NYAP2: variants seen among roughly 807,000 people sequenced by gnomAD.
NYAP2 encodes neuronal tyrosine-phosphorylated phosphoinositide-3-kinase adaptor 2.
Under a neutral mutation model 50.4 loss-of-function variants are expected in NYAP2, and 23 were observed. The ratio of observed to expected loss-of-function variants is 0.46; its 90% CI spans 0.33 to 0.65. The LOEUF (loss-of-function observed/expected upper bound fraction) is 0.65, where lower values mean the gene tolerates loss of function less well. NYAP2 is among the 30% of genes least tolerant of loss of function. The pLI is 0.02. For missense variants in NYAP2, 885 were observed against 861.0 expected, an observed-to-expected ratio of 1.03 and a Z score of -0.35; for synonymous variants, 394 against 365.2, an observed-to-expected ratio of 1.08 and a Z score of -0.90.
At chr2:225,449,250 A>G (rs1054349637) in intron 3 of NYAP2, among the ~76,000 whole-genome samples, 9 of 152,170 alleles carry the variant, frequency 5.9e-5, no homozygotes, top group Non-Finnish European at 1.3e-4. Context: ...TTTTTCCTTA[A>G]CTATATAATA....
intron 3 of NYAP2, among the ~76,000 whole-genome samples, chr2:225,419,958 C>T (rs1695189798): frequency 6.6e-6 from 1 of 152,142 alleles, no homozygotes; most frequent in South Asian, 2.1e-4. Context: ...ATATTTTGTT[C>T]TTTTTCCTAA....
chr2:225,549,062 G>A (rs545881886), intron 4 of NYAP2, among the ~76,000 whole-genome samples: 1 of 152,106 alleles, frequency 6.6e-6, no homozygotes, highest in African/African-American at 2.4e-5. Flanking sequence ...GTATTTTTTA[G>A]TAGAGACAGG....
intron 4 of NYAP2, among the ~76,000 whole-genome samples, chr2:225,528,581 T>A (rs73084715): frequency 0.021 from 3,228 of 152,318 alleles, 102 homozygotes; most frequent in African/African-American, 0.071. Flanking sequence ...AATTAGAGTG[T>A]GCATAAACAT....
intron 3 of NYAP2, among the ~76,000 whole-genome samples, chr2:225,424,078 T>C (rs1299967114): frequency 1.3e-5 from 2 of 152,178 alleles, no homozygotes; most frequent in Non-Finnish European, 2.9e-5. Context: ...AAAGATGACA[T>C]TTTATTTTAT....
chr2:225,494,560 T>G (rs1690467768), intron 3 of NYAP2, among the ~76,000 whole-genome samples: 1 of 152,206 alleles, frequency 6.6e-6, no homozygotes, highest in Admixed American at 6.5e-5. Context: ...GATATCAAGA[T>G]AAACAATTTC....
chr2:225,616,326 T>C (rs1692989663), intron 5 of NYAP2, among the ~76,000 whole-genome samples: 1 of 152,142 alleles, frequency 6.6e-6, no homozygotes, highest in East Asian at 1.9e-4. Context: ...AATATAAAAA[T>C]ATGCCCCCGC....
At chr2:225,469,688 G>C (rs10181093) in intron 3 of NYAP2, among the ~76,000 whole-genome samples, 2 of 152,166 alleles carry the variant, frequency 1.3e-5, no homozygotes, top group East Asian at 3.9e-4. Context: ...GGATGAGTTC[G>C]TGTCCTTTGC....
At chr2:225,573,919 G>A (rs1431941133) in intron 4 of NYAP2, among the ~76,000 whole-genome samples, 1 of 152,140 alleles carries the variant, frequency 6.6e-6, no homozygotes, top group Admixed American at 6.5e-5. Context: ...AGGAGAGGGA[G>A]ATAGATCTTA....
At chr2:225,481,667 G>C (rs1690209199) in intron 3 of NYAP2, among the ~76,000 whole-genome samples, 1 of 152,064 alleles carries the variant, frequency 6.6e-6, no homozygotes, top group Admixed American at 6.6e-5. Context: ...AGTATTTCTT[G>C]AAGTTTGAAA....
Position 225,404,249 on chromosome 2 carries a change from A to G in NYAP2, c.-18+3206A>G, listed in dbSNP as rs142959657. The stretch of plus-strand genomic sequence containing the variant: ...TGCTTTTTTTTAAGCTTCAGAACTA[A>G]GGGTCACATAGTGTCTTAGCTTCTT... On this transcript the variant is annotated intron_variant, in intron 2 of 6. Coordinates refer to ENST00000636099, the Ensembl canonical transcript of NYAP2. Among the ~76,000 whole-genome samples the G allele has an allele frequency of 2.8e-3, 427 of 152,060 alleles. 2 individuals are homozygous for G. Among genetic ancestry groups the G allele is most frequent in the African/African-American group, 9.8e-3 (406 of 41,526 alleles).
intron 4 of NYAP2, among the ~76,000 whole-genome samples, chr2:225,521,047 A>G (rs1340849981): frequency 1.1e-4 from 15 of 142,542 alleles, no homozygotes; most frequent in Non-Finnish European, 1.7e-4. Context: ...TGTGAATGGG[A>G]GTTCACTCAT....
At chr2:225,448,584 C>T (rs1166230231) in intron 3 of NYAP2, among the ~76,000 whole-genome samples, 1 of 152,208 alleles carries the variant, frequency 6.6e-6, no homozygotes, top group Non-Finnish European at 1.5e-5. Context: ...CTATAACTAA[C>T]TTAATATATG....
chr2:225,520,188 G>C (rs1236843330), intron 4 of NYAP2, among the ~76,000 whole-genome samples: 1 of 152,186 alleles, frequency 6.6e-6, no homozygotes, highest in Non-Finnish European at 1.5e-5. Context: ...TGTCAGATGA[G>C]TAGGTTGCAA....
chr2:225,579,616 C>T (rs1574689686), intron 4 of NYAP2, among the ~76,000 whole-genome samples: 1 of 152,226 alleles, frequency 6.6e-6, no homozygotes, highest in African/African-American at 2.4e-5. Context: ...AGGCCACCTT[C>T]TCATCTGTGT....
chr2:225,480,576 C>T (rs1055151614), intron 3 of NYAP2, among the ~76,000 whole-genome samples: 1 of 151,728 alleles, frequency 6.6e-6, no homozygotes, highest in South Asian at 2.1e-4. Flanking sequence ...CATAGAAAGG[C>T]GAGTATTTGC....
rs962542125 is a variant in NYAP2, at chr2:225,537,666, A to G, written c.523+23994A>G. Among the ~76,000 whole-genome samples the G allele has an allele frequency of 3.3e-5, 5 of 152,110 alleles. No homozygotes were observed. In the East Asian group the frequency reaches 7.7e-4, roughly 23 times the overall value. On this transcript the variant is annotated intron_variant, in intron 4 of 6. Transcript: ENST00000636099. ...ATTTGGGTGGGGACACAGCCAAACC[A>G]TATCATTCCACCCCGACCCCTCCCA...
Position 225,498,440 on chromosome 2 carries a change from C to T in NYAP2, c.222-14931C>T, listed in dbSNP as rs58102925. The stretch of plus-strand genomic sequence containing the variant: ...AGAAGAATTATGTGAGTGGATATGA[C>T]GAGATAAGAAAGAAGGCTGGGCCAC... On this transcript the variant is annotated intron_variant, in intron 3 of 6. Coordinates refer to ENST00000636099, the Ensembl canonical transcript of NYAP2. Among the ~76,000 whole-genome samples, 951 of 151,552 alleles carry T rather than the reference C, an allele frequency of 6.3e-3. 7 individuals carry two copies. The highest frequency in any genetic ancestry group is 0.022 in the African/African-American group (908 of 41,306).
At chr2:225,463,178 T>C (rs371227208) in intron 3 of NYAP2, among the ~76,000 whole-genome samples, 18 of 152,264 alleles carry the variant, frequency 1.2e-4, no homozygotes, top group African/African-American at 3.1e-4. Flanking sequence ...ACACCTGCAT[T>C]GCATCAGTCT....
intron 3 of NYAP2, among the ~76,000 whole-genome samples, chr2:225,458,275 G>C (rs1031414180): frequency 6.6e-6 from 1 of 152,090 alleles, no homozygotes; most frequent in African/African-American, 2.4e-5. Flanking sequence ...TCGCTTGAGT[G>C]GGGAGGTTGA....
Sources: allele counts gnomAD v4.1 joint callset (sites outside exome capture counted in the v4.1 genomes callset), GRCh38; gene constraint gnomAD v4.1.1; transcripts MANE v1.5; gene names NCBI Gene and HGNC (gene_info 2026-07-23, HGNC 2026-07-21).